PRKG1: variants seen among roughly 807,000 people sequenced by gnomAD.
PRKG1 encodes the protein protein kinase cGMP-dependent 1.
In PRKG1, 35 loss-of-function variants were observed where a neutral mutation model predicts 88.1. The observed-to-expected ratio is 0.40, with a 90% CI of 0.30 to 0.53. PRKG1 has a LOEUF of 0.53. Among genes scored for constraint, PRKG1 ranks in the 20% least tolerant of loss-of-function variants. PRKG1 has a pLI of 0.59. For missense variants in PRKG1, 540 were observed against 839.8 expected, an observed-to-expected ratio of 0.64 and a Z score of 4.41; for synonymous variants, 303 against 292.5, an observed-to-expected ratio of 1.04 and a Z score of -0.37.
At chr10:52,132,525 A>G (rs1837292826) in intron 7 of PRKG1, among the ~76,000 whole-genome samples, 1 of 152,114 alleles carries the variant, frequency 6.6e-6, no homozygotes, top group South Asian at 2.1e-4. Context: ...GAGTTCGGAA[A>G]TATATTTCAG....
At chr10:51,152,333 T>C (rs1441502563) in intron 1 of PRKG1, among the ~76,000 whole-genome samples, 1 of 152,076 alleles carries the variant, frequency 6.6e-6, no homozygotes, top group Non-Finnish European at 1.5e-5. Context: ...AATAGAGTTG[T>C]ATCTGCCTGG....
intron 1 of PRKG1, among the ~76,000 whole-genome samples, chr10:51,118,158 AG>A (rs1391516500): frequency 2.7e-4 from 2 of 7,416 alleles, no homozygotes; most frequent in African/African-American, 4.2e-4. Flanking sequence ...AGTTAAGAGC[AG>A]AGCAGCAATC....
At chr10:51,798,591 G>A (rs2132598806) in intron 3 of PRKG1, among the ~76,000 whole-genome samples, 1 of 152,004 alleles carries the variant, frequency 6.6e-6, no homozygotes, top group South Asian at 2.1e-4. Flanking sequence ...GTTTGTCCTG[G>A]GACTCAGCCT....
At chr10:51,375,916 A>C (rs574853896) in intron 2 of PRKG1, among the ~76,000 whole-genome samples, 49 of 152,342 alleles carry the variant, frequency 3.2e-4, no homozygotes, top group African/African-American at 1.2e-3. Context: ...GCTTGCTTTG[A>C]AACTATACAT....
At chr10:52,061,523 C>G (rs1479840590) in intron 6 of PRKG1, among the ~76,000 whole-genome samples, 1 of 152,064 alleles carries the variant, frequency 6.6e-6, no homozygotes, top group Admixed American at 6.6e-5. Flanking sequence ...ACAAGTTACT[C>G]TATTTTTGTT....
Position 51,704,057 on chromosome 10 carries a change from T to C in PRKG1, c.593-100528T>C, listed in dbSNP as rs571925884. On this transcript the variant is annotated intron_variant, in intron 3 of 17. Coordinates refer to ENST00000373980, the MANE Select transcript of PRKG1 (RefSeq NM_006258.4). ...CTATTTGGAGGCCAAGGTTTGAGGATTGCTTGAACCCGGGATGTGGATGTT... is the reference window on the plus strand; with the variant it reads ...CTATTTGGAGGCCAAGGTTTGAGGACTGCTTGAACCCGGGATGTGGATGTT... Among the ~76,000 whole-genome samples, 224 of 151,442 alleles carry C rather than the reference T, an allele frequency of 1.5e-3. 1 individual carries two copies. The highest frequency in any genetic ancestry group is 5.2e-3 in the African/African-American group (215 of 41,238).
At chr10:51,209,252 T>C (rs1838149816) in intron 2 of PRKG1, among the ~76,000 whole-genome samples, 5 of 152,194 alleles carry the variant, frequency 3.3e-5, no homozygotes, top group Non-Finnish European at 7.3e-5. Context: ...CCTTTATTGG[T>C]GTAAGAGTGT....
chr10:51,965,224 C>T (rs1213526760), intron 5 of PRKG1, among the ~76,000 whole-genome samples: 2 of 152,078 alleles, frequency 1.3e-5, no homozygotes, highest in Non-Finnish European at 2.9e-5. Context: ...CTGATTCTTT[C>T]TCTCTTCCCA....
chr10:51,289,661 A>T (rs1356531415), intron 2 of PRKG1, among the ~76,000 whole-genome samples: 2 of 151,788 alleles, frequency 1.3e-5, no homozygotes, highest in African/African-American at 4.8e-5. Context: ...CTCTGGTGGT[A>T]GATTCCATGA....
Position 52,201,114 on chromosome 10 carries a change from A to G in PRKG1, c.1076+39151A>G, listed in dbSNP as rs7922970. 6.6e-3 allele frequency among the ~76,000 whole-genome samples: 1,008 copies of G among 152,188 alleles called. 7 individuals carry two copies. Among genetic ancestry groups the G allele is most frequent in the African/African-American group, 0.023 (935 of 41,510 alleles). On this transcript the variant is annotated intron_variant, in intron 9 of 17. Transcript: ENST00000373980. ...TGCAATTACTTTTGGTGCCTTCGTT[A>G]TGAAATCTTTGCCAGTGCCTATGTC...
At chr10:51,311,718 G>A (rs1178631811) in intron 2 of PRKG1, among the ~76,000 whole-genome samples, 11 of 152,118 alleles carry the variant, frequency 7.2e-5, no homozygotes, top group Non-Finnish European at 1.6e-4. Flanking sequence ...CATCTGTGTT[G>A]GCTTGTTCTG....
At chr10:51,940,704 C>A (rs141280381) in intron 5 of PRKG1, among the ~76,000 whole-genome samples, 5 of 151,762 alleles carry the variant, frequency 3.3e-5, no homozygotes, top group Non-Finnish European at 4.4e-5. Context: ...TTTTTTGGGA[C>A]CTTCAAGCAC....
intron 4 of PRKG1, among the ~76,000 whole-genome samples, chr10:51,808,426 T>C (rs1455582686): frequency 1.3e-5 from 2 of 152,036 alleles, no homozygotes; most frequent in African/African-American, 4.8e-5. Flanking sequence ...TGCAACCCTG[T>C]CTCTGCAAAA....
chr10:52,198,067 T>C (rs1839553870), intron 9 of PRKG1, among the ~76,000 whole-genome samples: 1 of 152,220 alleles, frequency 6.6e-6, no homozygotes, highest in Non-Finnish European at 1.5e-5. Context: ...CACATAATGC[T>C]GACAGAAAAA....
intron 2 of PRKG1, among the ~76,000 whole-genome samples, chr10:51,402,630 G>A (rs960899562): frequency 9.2e-5 from 14 of 152,184 alleles, no homozygotes; most frequent in Admixed American, 9.2e-4. Flanking sequence ...GCCTCTCCTG[G>A]TGGTGATAAG....
chr10:51,946,978 C>T (rs1358904687), intron 5 of PRKG1, among the ~76,000 whole-genome samples: 2 of 152,078 alleles, frequency 1.3e-5, no homozygotes, highest in Non-Finnish European at 2.9e-5. Flanking sequence ...GGGAGAACCA[C>T]TGCTCTCTTC....
intron 10 of PRKG1, among the ~76,000 whole-genome samples, chr10:52,253,794 C>G (rs372832057): frequency 6.6e-6 from 1 of 151,936 alleles, no homozygotes; most frequent in African/African-American, 2.4e-5. Context: ...TTTGCAAAAA[C>G]TGTAGATATT....
At chr10:51,552,982 A>T (rs955233826) in intron 3 of PRKG1, among the ~76,000 whole-genome samples, 7 of 151,756 alleles carry the variant, frequency 4.6e-5, no homozygotes, top group East Asian at 1.9e-4. Flanking sequence ...AAAATTATGG[A>T]TCCAAAATAA....
intron 5 of PRKG1, among the ~76,000 whole-genome samples, chr10:51,970,978 G>A (rs1006295255): frequency 6.6e-6 from 1 of 151,500 alleles, no homozygotes; most frequent in Admixed American, 6.6e-5. Context: ...AGAATGGCTA[G>A]ACAACTTGTG....
Sources: allele counts gnomAD v4.1 joint callset (sites outside exome capture counted in the v4.1 genomes callset), GRCh38; gene constraint gnomAD v4.1.1; transcripts MANE v1.5; gene names NCBI Gene and HGNC (gene_info 2026-07-23, HGNC 2026-07-21).